Variants in PXDNL observed in about 807,000 individuals in gnomAD.
The protein encoded by PXDNL is peroxidasin like, also known as probable oxidoreductase PXDNL.
A neutral mutation model predicts 150.8 loss-of-function variants in PXDNL; 145 were observed. That is an observed-to-expected ratio of 0.96 (90% CI 0.84 to 1.10). The LOEUF is 1.10. Ranked by LOEUF, PXDNL falls within the 50% of genes least tolerant of loss-of-function variation. PXDNL has a pLI of 0.00. For synonymous variants in PXDNL, 757 were observed against 725.7 expected (o/e 1.04, Z -0.69); for missense variants, 2,087 against 1,873.9 (o/e 1.11, Z -2.10).
chr8:51,760,973 C>A (rs1032410122), intron 1 of PXDNL, among the ~76,000 whole-genome samples: 3 of 147,518 alleles, frequency 2.0e-5, no homozygotes, highest in African/African-American at 7.5e-5. Context: ...ATTCTCCTGC[C>A]TCAGCCTCCG....
rs992754079 is a variant in PXDNL, at chr8:51,808,786, A to G, written c.164+395T>C. Among the ~76,000 whole-genome samples, 5 of 152,208 alleles carry G rather than the reference A, an allele frequency of 3.3e-5. No homozygotes were observed. In the South Asian group the frequency reaches 6.2e-4, roughly 19 times the overall value. On this transcript the variant is annotated intron_variant, in intron 1 of 22. Transcript: ENST00000356297. The stretch of plus-strand genomic sequence containing the variant: ...ACATAATCAATTGAAACCACACTCT[A>G]AAGTTAAATTAGTTCCTTCCAAATG...
intron 4 of PXDNL, among the ~76,000 whole-genome samples, chr8:51,535,975 C>A (rs1437592767): frequency 6.6e-6 from 1 of 152,168 alleles, no homozygotes; most frequent in African/African-American, 2.4e-5. Context: ...CTGTGTAAAG[C>A]TGACCCCAGC....
intron 12 of PXDNL, among the ~76,000 whole-genome samples, chr8:51,444,200 G>T (rs1809618317): frequency 2.0e-5 from 3 of 152,020 alleles, no homozygotes; most frequent in African/African-American, 7.3e-5. Flanking sequence ...CCTACCATTT[G>T]GCACCCTCTG....
intron 1 of PXDNL, among the ~76,000 whole-genome samples, chr8:51,723,235 T>C (rs1046425066): frequency 2.0e-5 from 3 of 152,008 alleles, no homozygotes; most frequent in South Asian, 4.1e-4. Flanking sequence ...TTCTAATTAG[T>C]GTGAAGTTAA....
chr8:51,644,387 T>C lies in PXDNL; in HGVS notation c.236+10302A>G, dbSNP rs1301547352. 4.0e-4 allele frequency among the ~76,000 whole-genome samples: 10 copies of C among 25,188 alleles called. 1 individual carries two copies. Among genetic ancestry groups the C allele is most frequent in the East Asian group, 1.2e-3 (1 of 818 alleles). The allele number at this position is 25,188 out of a possible 152,430, so 16.5% of individuals were successfully genotyped here. ...ACATATGTATATATATACACACACA[T>C]ATGTGTATATATATACACATGTGTG... On this transcript the variant is annotated intron_variant, in intron 2 of 22. Coordinates refer to ENST00000356297, the MANE Select transcript of PXDNL (RefSeq NM_144651.5).
chr8:51,350,405 G>A (rs1224821170), intron 19 of PXDNL, among the ~76,000 whole-genome samples: 3 of 126,716 alleles, frequency 2.4e-5, no homozygotes, highest in African/African-American at 9.1e-5. Context: ...TGTCGCCCAG[G>A]CTAGAGTACA....
chr8:51,423,259 C>T (rs145573065), intron 14 of PXDNL, among the ~76,000 whole-genome samples: 21 of 152,254 alleles, frequency 1.4e-4, no homozygotes, highest in Middle Eastern at 3.4e-3. Flanking sequence ...CTTCCACCTC[C>T]GGCTCCACAT....
chr8:51,674,860 AT>A (rs1815576511), intron 1 of PXDNL, among the ~76,000 whole-genome samples: 1 of 152,192 alleles, frequency 6.6e-6, no homozygotes, highest in South Asian at 2.1e-4. Flanking sequence ...TCAGGTCCAG[AT>A]TTGTCTCATT....
At chr8:51,533,959 C>T (rs1017099659) in intron 4 of PXDNL, among the ~76,000 whole-genome samples, 11 of 148,650 alleles carry the variant, frequency 7.4e-5, no homozygotes, top group South Asian at 2.1e-4. Flanking sequence ...GTCTGGGATA[C>T]GAGGAGCCTC....
At chr8:51,679,262 C>T (rs1382263196) in intron 1 of PXDNL, among the ~76,000 whole-genome samples, 1 of 152,116 alleles carries the variant, frequency 6.6e-6, no homozygotes, top group Non-Finnish European at 1.5e-5. Flanking sequence ...ACATATTGGA[C>T]AGAGAAACCT....
intron 1 of PXDNL, among the ~76,000 whole-genome samples, chr8:51,753,898 T>A (rs1207185842): frequency 1.3e-5 from 2 of 152,192 alleles, no homozygotes; most frequent in Non-Finnish European, 2.9e-5. Context: ...GGGCATTCCT[T>A]TGTCTGATTT....
intron 6 of PXDNL, among the ~76,000 whole-genome samples, chr8:51,480,024 T>A (rs1020738342): frequency 6.6e-6 from 1 of 152,084 alleles, no homozygotes; most frequent in African/African-American, 2.4e-5. Flanking sequence ...AAGAAAAGGA[T>A]TAGGAGTGGG....
chr8:51,649,315 T>C (rs1222278384), intron 2 of PXDNL, among the ~76,000 whole-genome samples: 1 of 152,186 alleles, frequency 6.6e-6, no homozygotes, highest in Non-Finnish European at 1.5e-5. Flanking sequence ...AAGAGGAAAG[T>C]CGGCAAATAA....
intron 19 of PXDNL, among the ~76,000 whole-genome samples, chr8:51,359,497 T>C (rs994546846): frequency 3.3e-5 from 5 of 151,196 alleles, no homozygotes; most frequent in African/African-American, 7.3e-5. Context: ...GAGAGTAATA[T>C]GAAGGAAAAG....
intron 4 of PXDNL, among the ~76,000 whole-genome samples, chr8:51,507,425 A>G (rs1190054865): frequency 1.3e-5 from 2 of 152,220 alleles, no homozygotes; most frequent in African/African-American, 4.8e-5. Context: ...GCTGAGCGGG[A>G]CAGAAGCACT....
chr8:51,419,424 C>A (rs892938933), intron 14 of PXDNL, among the ~76,000 whole-genome samples: 26 of 152,150 alleles, frequency 1.7e-4, no homozygotes, highest in Admixed American at 2.0e-4. Context: ...ATCATGGAAA[C>A]ATAGAAATTC....
intron 1 of PXDNL, among the ~76,000 whole-genome samples, chr8:51,799,497 AATT>A (rs1482165731): frequency 6.6e-6 from 1 of 152,216 alleles, no homozygotes; most frequent in African/African-American, 2.4e-5. Flanking sequence ...AAAATATAAT[AATT>A]GATTGTTGTC....
At chr8:51,703,520 T>A (rs761390372) in intron 1 of PXDNL, among the ~76,000 whole-genome samples, 5 of 152,196 alleles carry the variant, frequency 3.3e-5, no homozygotes, top group Non-Finnish European at 7.3e-5. Flanking sequence ...TACCTTTTAT[T>A]TGCCATCTTG....
rs1014650816 is a variant in PXDNL, at chr8:51,754,842, A to G, written c.164+54339T>C. Among the ~76,000 whole-genome samples, 39 of 152,180 alleles carry G rather than the reference A, an allele frequency of 2.6e-4. 1 individual carries two copies. The Middle Eastern group carries it at 0.01, about 40-fold the overall frequency. The stretch of plus-strand genomic sequence containing the variant: ...TTCTGACAGGTCATTTTTAACAAGT[A>G]GTTTTTAGAGAAGTAGGAGAAGGCA... On this transcript the variant is annotated intron_variant, in intron 1 of 22. Coordinates refer to ENST00000356297, the MANE Select transcript of PXDNL (RefSeq NM_144651.5).
Sources: gnomAD v4.1 joint callset for allele counts (sites outside exome capture counted in the v4.1 genomes callset) on GRCh38, gnomAD v4.1.1 for gene constraint, MANE v1.5 for transcripts, NCBI Gene and HGNC (gene_info 2026-07-23, HGNC 2026-07-21) for gene names.